The following DPP10 variants were observed in gnomAD, a reference collection of about 807,000 sequenced individuals.
The protein encoded by DPP10 is inactive dipeptidyl peptidase 10.
In DPP10, 33 loss-of-function variants were observed where a neutral mutation model predicts 120.9. The ratio of observed to expected loss-of-function variants is 0.27; its 90% CI spans 0.21 to 0.37. DPP10 has a LOEUF of 0.37. Among genes scored for constraint, DPP10 ranks in the 10% least tolerant of loss-of-function variants. DPP10 has a pLI of 1.00. For missense variants in DPP10, 816 were observed against 942.8 expected, an observed-to-expected ratio of 0.87 and a Z score of 1.76; for synonymous variants, 337 against 326.1, an observed-to-expected ratio of 1.03 and a Z score of -0.36.
chr2:115,375,207 A>C (rs145603263), intron 3 of DPP10, among the ~76,000 whole-genome samples: 2 of 152,334 alleles, frequency 1.3e-5, no homozygotes, highest in Admixed American at 6.5e-5. Flanking sequence ...TCCAGGTCAC[A>C]TCTTGAACGA....
intron 1 of DPP10, among the ~76,000 whole-genome samples, chr2:114,748,354 T>TC (rs1678811148): frequency 7.4e-6 from 1 of 134,316 alleles, no homozygotes. Flanking sequence ...TTTTTTTATT[T>TC]TTTTTTATTT....
intron 1 of DPP10, among the ~76,000 whole-genome samples, chr2:115,171,108 C>A (rs1327567384): frequency 6.6e-6 from 1 of 152,126 alleles, no homozygotes; most frequent in Non-Finnish European, 1.5e-5. Flanking sequence ...TGCCTGTAAT[C>A]TCAGCACTTT....
chr2:114,863,637 A>G (rs1301863022), intron 1 of DPP10, among the ~76,000 whole-genome samples: 1 of 152,236 alleles, frequency 6.6e-6, no homozygotes, highest in Non-Finnish European at 1.5e-5. Context: ...AAAGGCTTTC[A>G]TGGACTTCTT....
At chr2:115,744,296 G>A (rs952697618) in intron 9 of DPP10, among the ~76,000 whole-genome samples, 3 of 150,210 alleles carry the variant, frequency 2.0e-5, no homozygotes, top group African/African-American at 7.3e-5. Context: ...GACCCAGCTA[G>A]AGAAATGGTA....
At chr2:114,977,756 T>A (rs1699843074) in intron 1 of DPP10, among the ~76,000 whole-genome samples, 1 of 152,176 alleles carries the variant, frequency 6.6e-6, no homozygotes, top group Non-Finnish European at 1.5e-5. Flanking sequence ...TTAATATATT[T>A]CTCTCCAAAC....
At chr2:115,171,359 A>C (rs78557685) in intron 1 of DPP10, among the ~76,000 whole-genome samples, 1 of 26,198 alleles carries the variant, frequency 3.8e-5, no homozygotes, top group Non-Finnish European at 6.4e-5. Flanking sequence ...AGACTCCATC[A>C]AAAAAAAAAA....
chr2:115,046,124 G>A (rs1364875148), intron 1 of DPP10, among the ~76,000 whole-genome samples: 5 of 152,132 alleles, frequency 3.3e-5, no homozygotes, highest in South Asian at 2.1e-4. Context: ...CAACATTTTG[G>A]TGAGATAGGG....
chr2:115,602,536 C>G (rs894775719), intron 5 of DPP10, among the ~76,000 whole-genome samples: 4 of 152,022 alleles, frequency 2.6e-5, no homozygotes, highest in African/African-American at 9.7e-5. Context: ...TCTATTTGCT[C>G]TTTGGAGTCA....
intron 1 of DPP10, among the ~76,000 whole-genome samples, chr2:115,022,459 C>T (rs192450787): frequency 1.3e-4 from 20 of 151,426 alleles, no homozygotes; most frequent in African/African-American, 3.6e-4. Context: ...TAAACAAGGA[C>T]GTGAAAGAAC....
intron 1 of DPP10, among the ~76,000 whole-genome samples, chr2:114,841,956 C>T (rs1574321334): frequency 1.3e-5 from 2 of 152,110 alleles, no homozygotes; most frequent in East Asian, 3.9e-4. Flanking sequence ...GTACCACTTC[C>T]TTAGTCAGGC....
intron 5 of DPP10, among the ~76,000 whole-genome samples, chr2:115,585,223 G>T (rs1306795335): frequency 6.6e-6 from 1 of 152,232 alleles, no homozygotes; most frequent in East Asian, 1.9e-4. Flanking sequence ...GAGCTAAGAA[G>T]TAAATTAATC....
intron 1 of DPP10, among the ~76,000 whole-genome samples, chr2:114,831,237 A>T (rs879054865): frequency 6.6e-6 from 1 of 152,076 alleles, no homozygotes; most frequent in Admixed American, 6.5e-5. Context: ...TCAATAGAAC[A>T]TAACTTTAAA....
chr2:115,624,734 G>C (rs1176707415), intron 5 of DPP10, among the ~76,000 whole-genome samples: 1 of 152,140 alleles, frequency 6.6e-6, no homozygotes, highest in Non-Finnish European at 1.5e-5. Flanking sequence ...TTGGTCTAAG[G>C]AATGAAGAAA....
chr2:114,490,766 T>C (rs1027024275), intron 1 of DPP10, among the ~76,000 whole-genome samples: 1 of 151,874 alleles, frequency 6.6e-6, no homozygotes, highest in Non-Finnish European at 1.5e-5. Context: ...TGAATTTTAG[T>C]TAATCCATGA....
At chr2:114,934,113 T>C (rs1368300544) in intron 1 of DPP10, among the ~76,000 whole-genome samples, 1 of 152,230 alleles carries the variant, frequency 6.6e-6, no homozygotes, top group African/African-American at 2.4e-5. Context: ...TGGGTCTTCC[T>C]TGAGTCCACT....
At chr2:114,700,260 C>T (rs974777800) in intron 1 of DPP10, among the ~76,000 whole-genome samples, 2 of 152,096 alleles carry the variant, frequency 1.3e-5, no homozygotes, top group African/African-American at 2.4e-5. Flanking sequence ...CACCCTCCAC[C>T]TTCTCCTGCC....
At chr2:115,266,908 G>C (rs577349086) in intron 1 of DPP10, among the ~76,000 whole-genome samples, 57 of 152,250 alleles carry the variant, frequency 3.7e-4, no homozygotes, top group African/African-American at 1.4e-3. Flanking sequence ...TTTTGGGGGG[G>C]AGAATTGGAT....
chr2:114,816,682 C>T lies in DPP10; in HGVS notation c.60+373844C>T, dbSNP rs566719699. 4.3e-4 allele frequency among the ~76,000 whole-genome samples: 65 copies of T among 152,116 alleles called. No homozygotes were observed. The Middle Eastern group carries it at 0.01, about 24-fold the overall frequency. The stretch of plus-strand genomic sequence containing the variant: ...TTTCTGTACCACCATAATTCTAGTT[C>T]GAAGGGCAAGGTCTGGAAGAAAGTA... On this transcript the variant is annotated intron_variant, in intron 1 of 25. Coordinates refer to ENST00000410059, the MANE Select transcript of DPP10 (RefSeq NM_020868.6).
chr2:115,403,943 T>C (rs1041718380), intron 3 of DPP10, among the ~76,000 whole-genome samples: 2 of 152,320 alleles, frequency 1.3e-5, no homozygotes, highest in Admixed American at 1.3e-4. Context: ...CTTTTCTATA[T>C]TGCAATAATG....
Sources: gnomAD v4.1 joint callset for allele counts (sites outside exome capture counted in the v4.1 genomes callset) on GRCh38, gnomAD v4.1.1 for gene constraint, MANE v1.5 for transcripts, NCBI Gene and HGNC (gene_info 2026-07-23, HGNC 2026-07-21) for gene names.